DPY19L1: variants seen among roughly 807,000 people sequenced by gnomAD.
DPY19L1 encodes the protein dpy-19 like C-mannosyltransferase 1, also known as protein C-mannosyl-transferase DPY19L1.
In DPY19L1, 35 loss-of-function variants were observed where a neutral mutation model predicts 96.9. That is an observed-to-expected ratio of 0.36 (90% CI 0.28 to 0.48). The LOEUF (loss-of-function observed/expected upper bound fraction) is 0.48, where lower values mean the gene tolerates loss of function less well. Among genes scored for constraint, DPY19L1 ranks in the 20% least tolerant of loss-of-function variants. The pLI is 0.99. For missense variants in DPY19L1, 521 were observed against 777.9 expected, an observed-to-expected ratio of 0.67 and a Z score of 3.93; for synonymous variants, 205 against 252.6, an observed-to-expected ratio of 0.81 and a Z score of 1.79.
intron 3 of DPY19L1, among the ~76,000 whole-genome samples, chr7:35,016,867 C>G (rs1785862117): frequency 1.3e-5 from 2 of 152,084 alleles, no homozygotes; most frequent in African/African-American, 4.8e-5. Context: ...CTGGATTTCT[C>G]AACAAACAAA....
At chr7:34,934,776 T>G (rs935694688) in intron 21 of DPY19L1, among the ~76,000 whole-genome samples, 5 of 152,196 alleles carry the variant, frequency 3.3e-5, no homozygotes, top group African/African-American at 1.2e-4. Context: ...CTGCCACTCA[T>G]CTGACAGGAG....
rs976145803 is a variant in DPY19L1 at position 34,929,024 on chromosome 7, T to C, written c.*2549A>G. 6.6e-5 allele frequency: 10 copies of C among 152,212 alleles called. No individual in the cohort carries two copies. The highest frequency in any genetic ancestry group is 2.4e-4 in the African/African-American group (10 of 41,450). The allele number at this position is 152,212 out of a possible 1,614,324, so 9.4% of individuals were successfully genotyped here. ...TTTTCTCATTAATATCACTGGCCTA[T>C]TTTAACACTATATTTTTTTTGCCAA... On this transcript the variant is annotated 3_prime_UTR_variant, in exon 22 of 22. Coordinates refer to ENST00000638088, the MANE Select transcript of DPY19L1 (RefSeq NM_001366673.1).
chr7:34,942,647 A>G lies in DPY19L1; in HGVS notation c.1545-8T>C, dbSNP rs775021965. ...TGATCAAACTGGTGTTTTCTGGAAC[A>G]GAAAAAAATATATTGCCATCAATTC... is the stretch of plus-strand genomic sequence containing the variant. On this transcript the variant is annotated splice_region_variant and splice_polypyrimidine_tract_variant and intron_variant, in intron 16 of 21. Coordinates refer to ENST00000638088, the MANE Select transcript of DPY19L1 (RefSeq NM_001366673.1). 3.1e-6 allele frequency: 5 copies of G among 1,588,234 alleles called. No individual in the cohort carries two copies. In the South Asian group the frequency reaches 5.7e-5, roughly 18 times the overall value.
chr7:34,943,010 G>A (rs1784058902), intron 16 of DPY19L1, among the ~76,000 whole-genome samples: 1 of 152,208 alleles, frequency 6.6e-6, no homozygotes, highest in South Asian at 2.1e-4. Flanking sequence ...GGTTATATGT[G>A]TAAATCTGAG....
chr7:34,952,786 C>A (rs932606581), intron 13 of DPY19L1, among the ~76,000 whole-genome samples: 1 of 152,006 alleles, frequency 6.6e-6, no homozygotes, highest in African/African-American at 2.4e-5. Context: ...TGGTAACTCC[C>A]ATTCTCCAAA....
At chr7:34,975,678 T>G (rs146982614) in intron 7 of DPY19L1, among the ~76,000 whole-genome samples, 1 of 152,320 alleles carries the variant, frequency 6.6e-6, no homozygotes, top group East Asian at 1.9e-4. Flanking sequence ...AGTGGCTGGC[T>G]TCAAAACATC....
At chr7:34,931,864 C>T in intron 21 of DPY19L1, 135 bp from the exon 22 acceptor site, 1 of 1,307,816 alleles carries the variant, frequency 7.6e-7, no homozygotes, top group East Asian at 2.6e-5. Context: ...AATCCTGTTA[C>T]ATAGCTATTT....
chr7:35,011,309 A>T, intron 5 of DPY19L1, 21 bp downstream of exon 5: 1 of 1,610,174 alleles, frequency 6.2e-7, no homozygotes, highest in Non-Finnish European at 8.5e-7. Context: ...TAACTGGACA[A>T]TATTACAGAA....
At chr7:34,954,446 T>C (rs1438042910) in intron 13 of DPY19L1, 1 of 250,922 alleles carries the variant, frequency 4.0e-6, no homozygotes, top group Non-Finnish European at 7.6e-6. Flanking sequence ...TTTAATCTAT[T>C]ATCTACAGTT....
chr7:34,935,714 A>G (rs752625834), intron 21 of DPY19L1, among the ~76,000 whole-genome samples: 33 of 152,188 alleles, frequency 2.2e-4, no homozygotes, highest in Non-Finnish European at 3.8e-4. Flanking sequence ...GCTGATCATA[A>G]CTGAAATGGA....
intron 1 of DPY19L1, among the ~76,000 whole-genome samples, chr7:35,031,853 G>GA (rs1053217227): frequency 1.9e-4 from 28 of 150,568 alleles, no homozygotes; most frequent in African/African-American, 4.1e-4. Flanking sequence ...ATCTTAGAAA[G>GA]AAAAAAAAAT....
intron 6 of DPY19L1, among the ~76,000 whole-genome samples, chr7:34,994,532 G>A (rs1368568475): frequency 2.0e-5 from 3 of 152,132 alleles, no homozygotes; most frequent in African/African-American, 4.8e-5. Context: ...CTGGCGGGGC[G>A]CGGTGGCTCA....
Position 34,940,200 on chromosome 7 carries a change from A to G in DPY19L1, c.1817T>C (p.Leu606Ser), listed in dbSNP as rs759696047. 1 of 1,605,428 alleles carries G rather than the reference A, an allele frequency of 6.2e-7. No homozygotes were observed. Among genetic ancestry groups the G allele is most frequent in the Non-Finnish European group, 8.5e-7 (1 of 1,176,898 alleles). Residue 606 changes from leucine (L) to serine (S), a missense_variant, in exon 19 of 22, where the codon TTG becomes TCG. Physicochemically the swap from Leu to Ser is moderately radical, Grantham distance 145. Coordinates refer to ENST00000638088, the MANE Select transcript of DPY19L1 (RefSeq NM_001366673.1). ...QWNIVGEFSN[L>S]PQEELIEWIK... is the part of the protein sequence containing the mutation. ...CCATTCTATAAGTTCTTCTTGGGGC[A>G]AATTGCTGAACTCCCCTACAATATT...
intron 10 of DPY19L1, among the ~76,000 whole-genome samples, chr7:34,958,755 T>C (rs1784429853): frequency 6.6e-6 from 1 of 152,186 alleles, no homozygotes; most frequent in Non-Finnish European, 1.5e-5. Flanking sequence ...CTGGCAACAC[T>C]GTATTATTCT....
At chr7:34,959,925 T>A (rs200562586) in intron 10 of DPY19L1, among the ~76,000 whole-genome samples, 4,573 of 127,186 alleles carry the variant, frequency 0.036, 104 homozygotes, top group Non-Finnish European at 0.042. Context: ...ATATATATAT[T>A]TATATATATA....
At chr7:35,037,783 G>A (rs985566823), upstream of DPY19L1, 43 of 1,190,648 alleles carry the variant, frequency 3.6e-5, no homozygotes, top group Non-Finnish European at 4.3e-5. Context: ...CGGCGCAGGC[G>A]GGGCCCGACC....
chr7:34,944,510 A>C (rs969254171), intron 16 of DPY19L1, among the ~76,000 whole-genome samples: 3 of 152,192 alleles, frequency 2.0e-5, no homozygotes, highest in African/African-American at 7.2e-5. Flanking sequence ...CCCACTCTTA[A>C]TAATTACAGG....
rs1161959357 is a variant in DPY19L1, at chr7:35,017,501, C to CAAAAAAAAAAAAAAAAAA, written c.411+363_411+380dup. On this transcript the variant is annotated intron_variant, in intron 3 of 21. Coordinates refer to ENST00000638088, the MANE Select transcript of DPY19L1 (RefSeq NM_001366673.1). ...TGGGCGACAGAGCGAGACTCCGTCT[C>CAAAAAAAAAAAAAAAAAA]AAAAAAAAAAAAAAAAAAAAATTAG... Among the ~76,000 whole-genome samples the CAAAAAAAAAAAAAAAAAA allele has an allele frequency of 4.4e-3, 60 of 13,658 alleles. 1 individual carries two copies. Among genetic ancestry groups the CAAAAAAAAAAAAAAAAAA allele is most frequent in the Non-Finnish European group, 6.3e-3 (48 of 7,610 alleles). The allele number at this position is 13,658 out of a possible 152,430, so 9.0% of individuals were successfully genotyped here. A position where few individuals can be genotyped will look rare whatever the true frequency, so the allele number is the denominator to read the frequency against.
chr7:34,938,227 G>A (rs923607135), intron 20 of DPY19L1, 108 bp from the exon 21 acceptor site: 2 of 1,270,162 alleles, frequency 1.6e-6, no homozygotes, highest in Non-Finnish European at 2.1e-6. Flanking sequence ...GAAGAATCCA[G>A]TCAGGAGGAA....
Sources: allele counts gnomAD v4.1 joint callset (sites outside exome capture counted in the v4.1 genomes callset), GRCh38; gene constraint gnomAD v4.1.1; transcripts MANE v1.5; gene names NCBI Gene and HGNC (gene_info 2026-07-23, HGNC 2026-07-21).